Variants in PRKAG2 observed in about 807,000 individuals in gnomAD.
PRKAG2 encodes the protein protein kinase AMP-activated non-catalytic subunit gamma 2.
In PRKAG2, 26 loss-of-function variants were observed where a neutral mutation model predicts 69.6. The ratio of observed to expected loss-of-function variants is 0.37; its 90% CI spans 0.27 to 0.52. The LOEUF (loss-of-function observed/expected upper bound fraction) is 0.52, where lower values mean the gene tolerates loss of function less well. Ranked by LOEUF, PRKAG2 falls within the 20% of genes least tolerant of loss-of-function variation. PRKAG2 has a pLI of 0.90. For synonymous variants in PRKAG2, 293 were observed against 285.0 expected, an observed-to-expected ratio of 1.03 and a Z score of -0.28; for missense variants, 557 against 740.0, an observed-to-expected ratio of 0.75 and a Z score of 2.87.
intron 3 of PRKAG2, among the ~76,000 whole-genome samples, chr7:151,779,664 C>T (rs2076572769): frequency 6.6e-6 from 1 of 152,236 alleles, no homozygotes; most frequent in Admixed American, 6.5e-5. Context: ...CTGAAGCCTG[C>T]TTGCCTCTGA....
chr7:151,665,724 G>A (rs1209246468), intron 4 of PRKAG2, among the ~76,000 whole-genome samples: 1 of 152,068 alleles, frequency 6.6e-6, no homozygotes, highest in Non-Finnish European at 1.5e-5. Context: ...ACCATTTCTG[G>A]GCAGACAGCT....
At chr7:151,805,196 G>T (rs1014025352) in intron 1 of PRKAG2, among the ~76,000 whole-genome samples, 3 of 152,180 alleles carry the variant, frequency 2.0e-5, no homozygotes, top group Admixed American at 6.5e-5. Flanking sequence ...GTTCCTCCTG[G>T]ATCTCTTGTA....
intron 2 of PRKAG2, among the ~76,000 whole-genome samples, chr7:151,785,383 G>C (rs972494250): frequency 6.6e-6 from 1 of 152,188 alleles, no homozygotes; most frequent in African/African-American, 2.4e-5. Flanking sequence ...GCCCCTTCCT[G>C]CCACTCCACT....
At position 151,771,600 on chromosome 7, in the gene PRKAG2, C is replaced by T. The variant is rs1025062330; in HGVS notation, c.466+9552G>A. Among the ~76,000 whole-genome samples, 9 of 152,174 alleles carry T rather than the reference C, an allele frequency of 5.9e-5. No individual in the cohort carries two copies. Among genetic ancestry groups the T allele is most frequent in the African/African-American group, 1.9e-4 (8 of 41,440 alleles). On this transcript the variant is annotated intron_variant, in intron 3 of 15. Coordinates refer to ENST00000287878, the MANE Select transcript of PRKAG2 (RefSeq NM_016203.4). This position sits in a 1 kb window ranked among gnomAD's most constrained non-coding sequence, Gnocchi z 4.0. Reference sequence around the variant, plus strand: ...CACCTGAGGAGCCTGTTAAAACTTTCGATTCCAAGACTCAGGCCATTGAGT... The same window carrying T: ...CACCTGAGGAGCCTGTTAAAACTTTTGATTCCAAGACTCAGGCCATTGAGT...
At chr7:151,831,054 A>G (rs550366820) in intron 1 of PRKAG2, among the ~76,000 whole-genome samples, 1 of 152,264 alleles carries the variant, frequency 6.6e-6, no homozygotes, top group South Asian at 2.1e-4. Context: ...CCACTAGGAC[A>G]GCTAGAACAT....
chr7:151,740,558 T>G (rs1186518100), intron 3 of PRKAG2, among the ~76,000 whole-genome samples: 1 of 152,212 alleles, frequency 6.6e-6, no homozygotes, highest in Admixed American at 6.5e-5. Context: ...GACTGACTGA[T>G]AGATACGGGG....
In PRKAG2 at chr7:151,618,269, A is replaced by G. The variant is rs556342425; in HGVS notation, c.754+13800T>C. 1.0e-3 allele frequency among the ~76,000 whole-genome samples: 152 copies of G among 152,160 alleles called. 2 individuals carry two copies. Among genetic ancestry groups the G allele is most frequent in the Non-Finnish European group, 1.0e-4 (7 of 68,018 alleles). On this transcript the variant is annotated intron_variant, in intron 5 of 15. Coordinates refer to ENST00000287878, the MANE Select transcript of PRKAG2 (RefSeq NM_016203.4). ...GGAGTTCGAGATCAGCCTGGCCAAC[A>G]TGGCGAAACCCCATCTCTACTAAAA...
rs374981075 is a variant in PRKAG2 at position 151,785,302 on chromosome 7, G to C, written c.186+1168C>G. The stretch of plus-strand genomic sequence containing the variant: ...GGTTTTCACTGGAAAGAAGGGTTTT[G>C]CAGAGTCAAACAGGAGGAAGACGAC... On this transcript the variant is annotated intron_variant, in intron 2 of 15. Transcript: ENST00000287878. Among the ~76,000 whole-genome samples the C allele has an allele frequency of 3.1e-3, 475 of 152,340 alleles. 9 individuals are homozygous for C. The highest frequency in any genetic ancestry group is 2.5e-3 in the South Asian group (12 of 4,830).
intron 3 of PRKAG2, among the ~76,000 whole-genome samples, chr7:151,703,780 G>A (rs1276471753): frequency 6.6e-6 from 1 of 150,948 alleles, no homozygotes; most frequent in Non-Finnish European, 1.5e-5. Context: ...TGAGGTGAGT[G>A]GATCACAAGG....
intron 1 of PRKAG2, among the ~76,000 whole-genome samples, chr7:151,795,152 C>T (rs1740363882): frequency 1.3e-5 from 2 of 152,180 alleles, no homozygotes; most frequent in Non-Finnish European, 2.9e-5. Context: ...TGTCTGAGAT[C>T]CCCCAGAAGG....
intron 3 of PRKAG2, among the ~76,000 whole-genome samples, chr7:151,740,064 T>C (rs968485999): frequency 2.0e-5 from 3 of 152,176 alleles, no homozygotes; most frequent in African/African-American, 7.2e-5. Flanking sequence ...CTCCCAAGCC[T>C]ACAGCAAGGC....
chr7:151,828,696 G>C lies in PRKAG2; in HGVS notation c.115-42155C>G, dbSNP rs2078959755. ...AGCACTTTGGGAGGCCAAAATGGGA[G>C]GACTGCTTGAGCTCGGGAGTTTGAG... On this transcript the variant is annotated intron_variant, in intron 1 of 15. Transcript: ENST00000287878. This position sits in a 1 kb window ranked among gnomAD's most constrained non-coding sequence, Gnocchi z 4.6. Among the ~76,000 whole-genome samples, 1 of 152,012 alleles carries C rather than the reference G, an allele frequency of 6.6e-6. No homozygotes were observed. Among genetic ancestry groups the C allele is most frequent in the South Asian group, 2.1e-4 (1 of 4,814 alleles).
At chr7:151,690,522 A>G (rs1835501103) in intron 3 of PRKAG2, among the ~76,000 whole-genome samples, 1 of 152,220 alleles carries the variant, frequency 6.6e-6, no homozygotes, top group East Asian at 1.9e-4. Flanking sequence ...CCAAGAGAGG[A>G]GCAGCCGTTA....
At chr7:151,724,727 C>G (rs1398471672) in intron 3 of PRKAG2, among the ~76,000 whole-genome samples, 5 of 152,210 alleles carry the variant, frequency 3.3e-5, no homozygotes, top group Non-Finnish European at 7.3e-5. Context: ...AGCCGCTTGC[C>G]CGCCCCACAA....
chr7:151,834,101 C>A (rs1396609307), intron 1 of PRKAG2, among the ~76,000 whole-genome samples: 2 of 152,206 alleles, frequency 1.3e-5, no homozygotes, highest in Non-Finnish European at 2.9e-5. Flanking sequence ...TGGATCATTC[C>A]CCGACAGCAG....
intron 3 of PRKAG2, among the ~76,000 whole-genome samples, chr7:151,676,324 TCAC>T (rs1832945690): frequency 6.6e-6 from 1 of 151,676 alleles, no homozygotes; most frequent in Non-Finnish European, 1.5e-5. Context: ...AACATGAACA[TCAC>T]CACTGTAAGT....
chr7:151,737,390 C>G (rs1362181916), intron 3 of PRKAG2, among the ~76,000 whole-genome samples: 2 of 151,110 alleles, frequency 1.3e-5, no homozygotes, highest in East Asian at 3.9e-4. Flanking sequence ...CAGTCTGAAC[C>G]TCTCATGGTA....
At chr7:151,559,896 C>T (rs764578643) in intron 15 of PRKAG2, 44 of 985,292 alleles carry the variant, frequency 4.5e-5, no homozygotes, top group Admixed American at 6.1e-5. Context: ...TCAAGCCCAC[C>T]TCTTACTACT....
chr7:151,572,532 GA>G (rs1807820664), intron 9 of PRKAG2, 131 bp downstream of exon 9: 1 of 703,482 alleles, frequency 1.4e-6, no homozygotes, highest in Non-Finnish European at 2.5e-6. Flanking sequence ...AAAATTAACA[GA>G]AATAAAGAGA....
Sources: allele counts gnomAD v4.1 joint callset (sites outside exome capture counted in the v4.1 genomes callset), GRCh38; gene constraint gnomAD v4.1.1; non-coding constraint Gnocchi (gnomAD v3.1); transcripts MANE v1.5; gene names NCBI Gene and HGNC (gene_info 2026-07-23, HGNC 2026-07-21).